The following AKAP13 variants were observed in gnomAD, a reference collection of about 807,000 sequenced individuals.
The protein encoded by AKAP13 is A-kinase anchor protein 13.
Under a neutral mutation model 264.5 loss-of-function variants are expected in AKAP13, and 80 were observed. The ratio of observed to expected loss-of-function variants is 0.30; its 90% CI spans 0.25 to 0.36. The LOEUF (loss-of-function observed/expected upper bound fraction) is 0.36. AKAP13 is among the 10% of genes least tolerant of loss of function. The pLI is 1.00. For missense variants in AKAP13, 3,712 were observed against 3,435.2 expected (o/e 1.08, Z -2.01); for synonymous variants, 1,380 against 1,250.2 (o/e 1.10, Z -2.19).
At chr15:85,402,761 G>T (rs957138135) in intron 1 of AKAP13, among the ~76,000 whole-genome samples, 1 of 152,018 alleles carries the variant, frequency 6.6e-6, no homozygotes, top group Non-Finnish European at 1.5e-5. Context: ...TAGCTCTGCC[G>T]TAAATGGTAG....
chr15:85,603,414 C>T (rs72760477), intron 8 of AKAP13, among the ~76,000 whole-genome samples: 8,328 of 152,362 alleles, frequency 0.055, 334 homozygotes, highest in Middle Eastern at 0.12. Flanking sequence ...CAAGTAACAT[C>T]TTACCATTAC....
chr15:85,703,719 G>A (rs1418002534), intron 17 of AKAP13, among the ~76,000 whole-genome samples: 3 of 151,884 alleles, frequency 2.0e-5, no homozygotes, highest in Admixed American at 1.3e-4. Context: ...GGCATGGACC[G>A]GTAATCCCAG....
At chr15:85,490,633 TC>T (rs2075695458) in intron 2 of AKAP13, among the ~76,000 whole-genome samples, 1 of 152,228 alleles carries the variant, frequency 6.6e-6, no homozygotes, top group Admixed American at 6.5e-5. Context: ...AACATTTTGT[TC>T]CTGGTGTTTC....
At chr15:85,479,049 A>C (rs1188506589) in intron 1 of AKAP13, among the ~76,000 whole-genome samples, 3 of 152,256 alleles carry the variant, frequency 2.0e-5, no homozygotes, top group African/African-American at 7.2e-5. Flanking sequence ...AAAGTAAAGC[A>C]TTCATGAGGG....
At chr15:85,391,565 A>C (rs148113947) in intron 1 of AKAP13, among the ~76,000 whole-genome samples, 22 of 149,664 alleles carry the variant, frequency 1.5e-4, no homozygotes, top group African/African-American at 5.2e-4. Flanking sequence ...GCTCACTGCA[A>C]CCTCTCCCTT....
At chr15:85,731,977 G>C (rs868443133) in intron 30 of AKAP13, among the ~76,000 whole-genome samples, 1 of 151,896 alleles carries the variant, frequency 6.6e-6, no homozygotes, top group Admixed American at 6.6e-5. Context: ...CAGCTCCTCA[G>C]GAGGCTGAGG....
At chr15:85,744,470 A>T in intron 36 of AKAP13, 158 bp from the exon 37 acceptor site, 1 of 750,416 alleles carries the variant, frequency 1.3e-6, no homozygotes, top group Non-Finnish European at 2.3e-6. Flanking sequence ...GAACCTTATT[A>T]ACCAAATTTG....
Position 85,718,980 on chromosome 15 carries a change from G to T in AKAP13, c.6002-96G>T. 1 of 1,514,674 alleles carries T rather than the reference G, an allele frequency of 6.6e-7. No individual in the cohort carries two copies. Among genetic ancestry groups the T allele is most frequent in the Non-Finnish European group, 8.9e-7 (1 of 1,126,038 alleles). The allele number at this position is 1,514,674 out of a possible 1,614,324, so 93.8% of individuals were successfully genotyped here. The stretch of plus-strand genomic sequence containing the variant: ...TGACCCAATTTTAAGGTTCAAATTG[G>T]GCTCTAAACTAGCTTTGGGACTGCA... On this transcript the variant is annotated intron_variant, in intron 22 of 36. Transcript: ENST00000394518. The surrounding 1 kb of genome is among the most constrained non-coding windows in gnomAD (Gnocchi z 4.9).
chr15:85,438,881 G>A (rs2073470474), intron 1 of AKAP13, among the ~76,000 whole-genome samples: 1 of 148,654 alleles, frequency 6.7e-6, no homozygotes, highest in Admixed American at 6.7e-5. Context: ...GAAAACCTAG[G>A]CATTACCATT....
intron 1 of AKAP13, among the ~76,000 whole-genome samples, chr15:85,478,417 C>T (rs1170767119): frequency 1.3e-5 from 2 of 152,142 alleles, no homozygotes; most frequent in African/African-American, 4.8e-5. Flanking sequence ...ATTTAACTTA[C>T]TATTTTAAAT....
chr15:85,443,772 AGTGT>A lies in AKAP13; in HGVS notation c.-11-41917_-11-41914del, dbSNP rs34514718. ...CACTGGTTTCATGTAAAAAAAAAAA[AGTGT>A]GTGTGTGTGTGTGTGTGTGTAGGGT... On this transcript the variant is annotated intron_variant, in intron 1 of 36. Coordinates refer to ENST00000394518, the MANE Select transcript of AKAP13 (RefSeq NM_007200.5). Among the ~76,000 whole-genome samples the A allele has an allele frequency of 2.0e-3, 292 of 146,024 alleles. 1 individual carries two copies. The highest frequency in any genetic ancestry group is 0.019 in the South Asian group (87 of 4,542).
intron 8 of AKAP13, among the ~76,000 whole-genome samples, chr15:85,631,494 T>TCA (rs1277298052): frequency 3.1e-5 from 2 of 63,636 alleles, no homozygotes; most frequent in African/African-American, 1.1e-4. Flanking sequence ...TCTCTCTCTC[T>TCA]CTCTCTCTCA....
chr15:85,566,889 A>G (rs1183492159), intron 5 of AKAP13, among the ~76,000 whole-genome samples: 2 of 151,954 alleles, frequency 1.3e-5, no homozygotes, highest in Non-Finnish European at 2.9e-5. Context: ...CGGCCTCCCA[A>G]AGTGCTGGGA....
intron 15 of AKAP13, among the ~76,000 whole-genome samples, chr15:85,682,491 CCTTTG>C (rs1373063676): frequency 6.6e-6 from 1 of 151,830 alleles, no homozygotes; most frequent in Non-Finnish European, 1.5e-5. Flanking sequence ...ACTTGTGCAC[CCTTTG>C]CTTATGGGAT....
intron 1 of AKAP13, among the ~76,000 whole-genome samples, chr15:85,436,496 C>A (rs1285073175): frequency 1.3e-5 from 2 of 148,376 alleles, no homozygotes; most frequent in African/African-American, 2.5e-5. Context: ...CTCTCCACCC[C>A]AAATCAACAG....
intron 8 of AKAP13, among the ~76,000 whole-genome samples, chr15:85,610,355 T>G (rs1205945171): frequency 1.3e-5 from 2 of 152,240 alleles, no homozygotes; most frequent in East Asian, 3.9e-4. Context: ...GCCTCTCTCC[T>G]TCAGCTATAT....
chr15:85,440,248 G>T (rs890215753), intron 1 of AKAP13, among the ~76,000 whole-genome samples: 2 of 152,120 alleles, frequency 1.3e-5, no homozygotes, highest in Non-Finnish European at 2.9e-5. Context: ...ATGACTAGCA[G>T]GTCCTCAGCT....
chr15:85,417,627 A>G (rs2072303346), intron 1 of AKAP13, among the ~76,000 whole-genome samples: 3 of 152,178 alleles, frequency 2.0e-5, no homozygotes, highest in Non-Finnish European at 4.4e-5. Context: ...TTTGAGAGCA[A>G]AGTTTGAAAT....
intron 1 of AKAP13, among the ~76,000 whole-genome samples, chr15:85,397,260 A>G (rs746973508): frequency 6.6e-6 from 1 of 152,106 alleles, no homozygotes; most frequent in African/African-American, 2.4e-5. Context: ...TGTAAATATT[A>G]TGTCCTAAGT....
Sources: allele counts gnomAD v4.1 joint callset (sites outside exome capture counted in the v4.1 genomes callset), GRCh38; gene constraint gnomAD v4.1.1; non-coding constraint Gnocchi (gnomAD v3.1); transcripts MANE v1.5; gene names NCBI Gene and HGNC (gene_info 2026-07-23, HGNC 2026-07-21).